MFHAS1: variants seen among roughly 807,000 people sequenced by gnomAD.
MFHAS1 encodes the protein multifunctional ROCO family signaling regulator 1.
A neutral mutation model predicts 70.4 loss-of-function variants in MFHAS1; 50 were observed. The observed-to-expected ratio is 0.71, with a 90% confidence interval of 0.57 to 0.90. The LOEUF (loss-of-function observed/expected upper bound fraction) is 0.90, where lower values mean the gene tolerates loss of function less well. Among genes scored for constraint, MFHAS1 ranks in the 40% least tolerant of loss-of-function variants. The pLI is 0.00. For missense variants in MFHAS1, 1,795 were observed against 1,347.6 expected, an observed-to-expected ratio of 1.33 and a Z score of -5.20; for synonymous variants, 952 against 620.0, an observed-to-expected ratio of 1.54 and a Z score of -7.96.
At chr8:8,807,498 C>A (rs1490107535) in intron 1 of MFHAS1, among the ~76,000 whole-genome samples, 2 of 152,126 alleles carry the variant, frequency 1.3e-5, no homozygotes, top group African/African-American at 4.8e-5. Context: ...CACTGTGATT[C>A]CCTTTGAATG....
chr8:8,827,351 G>A (rs1334956295), intron 1 of MFHAS1, among the ~76,000 whole-genome samples: 2 of 152,208 alleles, frequency 1.3e-5, no homozygotes, highest in African/African-American at 4.8e-5. Context: ...CTAGTCTAAG[G>A]ATATTGTAGA....
chr8:8,803,289 C>A (rs1806146805), intron 1 of MFHAS1, among the ~76,000 whole-genome samples: 1 of 151,180 alleles, frequency 6.6e-6, no homozygotes, highest in African/African-American at 2.4e-5. Context: ...GGGGTGGGGG[C>A]AGATCATTTG....
chr8:8,797,222 A>T (rs1272901096), intron 2 of MFHAS1, 143 bp downstream of exon 2: 1 of 808,894 alleles, frequency 1.2e-6, no homozygotes, highest in Non-Finnish European at 1.8e-6. Flanking sequence ...CATGATGCTG[A>T]TGTCATCCAG....
intron 1 of MFHAS1, among the ~76,000 whole-genome samples, chr8:8,856,437 G>GGAT (rs1212704762): frequency 1.3e-5 from 2 of 152,188 alleles, no homozygotes; most frequent in African/African-American, 2.4e-5. Context: ...GGGAGGTAAG[G>GGAT]GATGGTGTGT....
chr8:8,852,605 G>A (rs1349838962), intron 1 of MFHAS1, among the ~76,000 whole-genome samples: 1 of 152,142 alleles, frequency 6.6e-6, no homozygotes, highest in Non-Finnish European at 1.5e-5. Flanking sequence ...CAAAATAATT[G>A]GTTCTGTGGA....
intron 1 of MFHAS1, among the ~76,000 whole-genome samples, chr8:8,840,823 G>A (rs1057204608): frequency 1.4e-4 from 22 of 152,186 alleles, no homozygotes; most frequent in South Asian, 1.0e-3. Flanking sequence ...TGATAAACAT[G>A]CTCCTAAAAA....
In MFHAS1 at chr8:8,783,998, A is replaced by C. The variant is rs979847792; in HGVS notation, c.*2024T>G. On this transcript the variant is annotated 3_prime_UTR_variant, in exon 3 of 3. Transcript: ENST00000276282. ...TTCTCTAGGGTTCAGATGACAGCAT[A>C]AAACATCACTGGTCAAAAATATTAG... 2 of 152,190 alleles carry C rather than the reference A, an allele frequency of 1.3e-5. No homozygotes were observed. The highest frequency in any genetic ancestry group is 4.8e-5 in the African/African-American group (2 of 41,436). 9.4% of individuals were successfully genotyped at this position (152,190 alleles called of 1,614,324 possible). A position where few individuals can be genotyped will look rare whatever the true frequency, so the allele number is the denominator to read the frequency against.
chr8:8,800,675 G>A (rs1806055455), intron 1 of MFHAS1, among the ~76,000 whole-genome samples: 1 of 152,120 alleles, frequency 6.6e-6, no homozygotes, highest in South Asian at 2.1e-4. Flanking sequence ...TTCTACTTTT[G>A]TCCTAAAATC....
At chr8:8,867,316 C>A (rs1009912341) in intron 1 of MFHAS1, among the ~76,000 whole-genome samples, 13 of 152,102 alleles carry the variant, frequency 8.5e-5, no homozygotes, top group African/African-American at 1.9e-4. Flanking sequence ...TATACCCTCA[C>A]ATTTTTGAAA....
chr8:8,837,136 A>G (rs534751197), intron 1 of MFHAS1, among the ~76,000 whole-genome samples: 1 of 152,348 alleles, frequency 6.6e-6, no homozygotes, highest in South Asian at 2.1e-4. Context: ...ACTATTCTAA[A>G]TATGTAATTA....
chr8:8,809,904 C>T (rs948203834), intron 1 of MFHAS1, among the ~76,000 whole-genome samples: 7 of 152,204 alleles, frequency 4.6e-5, no homozygotes, highest in Non-Finnish European at 8.8e-5. Context: ...CTGCAGACGG[C>T]ATAAAAGCAT....
chr8:8,787,815 G>GT (rs1463693527), intron 2 of MFHAS1, among the ~76,000 whole-genome samples: 4 of 152,176 alleles, frequency 2.6e-5, no homozygotes, highest in African/African-American at 7.2e-5. Flanking sequence ...CGGGCTACAC[G>GT]TAAGACTGAG....
rs1213564502 is a variant in MFHAS1 at position 8,893,569 on chromosome 8, G to A, written c.-511C>T. The A allele has an allele frequency of 1.4e-5, 2 of 146,520 alleles. No individual in the cohort carries two copies. The highest frequency in any genetic ancestry group is 3.0e-5 in the Non-Finnish European group (2 of 65,806). 9.1% of individuals were successfully genotyped at this position (146,520 alleles called of 1,614,324 possible). A position where few individuals can be genotyped will look rare whatever the true frequency, so the allele number is the denominator to read the frequency against. The stretch of plus-strand genomic sequence containing the variant: ...GCGCCTCCTTGTCTCCGTTTCCCCG[G>A]GCTCGGGCGGGAGCGCGGGCGCCGC... On this transcript the variant is annotated 5_prime_UTR_variant, in exon 1 of 3. Coordinates refer to ENST00000276282, the MANE Select transcript of MFHAS1 (RefSeq NM_004225.3).
rs141455694 is a variant in MFHAS1 at position 8,861,563 on chromosome 8, T to C, written c.2998+28498A>G. Among the ~76,000 whole-genome samples the C allele has an allele frequency of 3.3e-3, 498 of 152,354 alleles. 2 individuals are homozygous for C. The highest frequency in any genetic ancestry group is 0.011 in the African/African-American group (474 of 41,584). Reference sequence around the variant, plus strand: ...AAATCGTATAATCAAAACTTATTTTTTAAATTAACAAGATATAATAAAGGC... The same window carrying C: ...AAATCGTATAATCAAAACTTATTTTCTAAATTAACAAGATATAATAAAGGC... On this transcript the variant is annotated intron_variant, in intron 1 of 2. Coordinates refer to ENST00000276282, the MANE Select transcript of MFHAS1 (RefSeq NM_004225.3).
chr8:8,865,576 G>C (rs763552136), intron 1 of MFHAS1, among the ~76,000 whole-genome samples: 2 of 152,200 alleles, frequency 1.3e-5, no homozygotes, highest in African/African-American at 4.8e-5. Flanking sequence ...GATGACACTT[G>C]ACATGAATTA....
At chr8:8,884,685 C>G (rs1809682340) in intron 1 of MFHAS1, among the ~76,000 whole-genome samples, 1 of 152,134 alleles carries the variant, frequency 6.6e-6, no homozygotes, top group East Asian at 1.9e-4. Flanking sequence ...AGTTCTCAGG[C>G]AGGGCATGGT....
chr8:8,887,890 G>A (rs1307179838), intron 1 of MFHAS1, among the ~76,000 whole-genome samples: 3 of 145,592 alleles, frequency 2.1e-5, no homozygotes, highest in South Asian at 2.2e-4. Flanking sequence ...CTCCAGCCTC[G>A]CCCCTAACTC....
chr8:8,790,412 T>C (rs1805682295), intron 2 of MFHAS1: 1 of 983,606 alleles, frequency 1.0e-6, no homozygotes, highest in Non-Finnish European at 1.2e-6. Flanking sequence ...TCCACTTAAT[T>C]TTCCAAGAAA....
At chr8:8,806,554 T>C (rs1338157876) in intron 1 of MFHAS1, among the ~76,000 whole-genome samples, 1 of 152,228 alleles carries the variant, frequency 6.6e-6, no homozygotes, top group East Asian at 1.9e-4. Context: ...CTTACTGTTC[T>C]CAGCATCTTC....
Sources: allele counts gnomAD v4.1 joint callset (sites outside exome capture counted in the v4.1 genomes callset), GRCh38; gene constraint gnomAD v4.1.1; transcripts MANE v1.5; gene names NCBI Gene and HGNC (gene_info 2026-07-23, HGNC 2026-07-21).